Variants in TNS2 observed in about 807,000 individuals in gnomAD.
TNS2 encodes the protein tensin 2, also known as tensin-2.
In TNS2, 77 loss-of-function variants were observed where a neutral mutation model predicts 155.7. That is an observed-to-expected ratio of 0.49 (90% CI 0.41 to 0.60). The LOEUF is 0.60. TNS2 is among the 20% of genes least tolerant of loss of function. The probability of loss-of-function intolerance (pLI) is 0.00; values close to 1 mark genes in which losing one functional copy is unlikely to be tolerated. For missense variants in TNS2, 1,703 were observed against 1,868.8 expected (o/e 0.91, Z 1.64); for synonymous variants, 726 against 763.9 (o/e 0.95, Z 0.82).
Position 53,058,027 on chromosome 12 carries a change from T to C in TNS2, c.1020T>C (p.Tyr340=), listed in dbSNP as rs775027095. 3.7e-6 allele frequency: 6 copies of C among 1,613,960 alleles called. No individual in the cohort carries two copies. Among genetic ancestry groups the C allele is most frequent in the Non-Finnish European group, 5.1e-6 (6 of 1,180,024 alleles). Reference sequence around the variant, plus strand: ...TCTGCCTTCTCCTCTCTCCCCACAGTCACATTGCAGGCCCTGGTCCCCAGC... The same window carrying C: ...TCTGCCTTCTCCTCTCTCCCCACAGCCACATTGCAGGCCCTGGTCCCCAGC... The part of the protein sequence containing the change: ...SMQLVYTSGV[Y]HIAGPGPQQL... The change falls in exon 14 of 29, where the codon TAT becomes TAC. Residue 340 remains tyrosine (Y), a splice_region_variant and synonymous_variant. Transcript: ENST00000314250.
intron 25 of TNS2, 67 bp downstream of exon 25, chr12:53,062,764 ATGGGGCACTGAAAGGCCTTGAGG>A (rs1203244609): frequency 1.9e-6 from 3 of 1,575,262 alleles, no homozygotes; most frequent in African/African-American, 2.7e-5. Flanking sequence ...GATACAGGGC[ATGGGGCACTGAAAGGCCTTGAGG>A]TGGGTGAGCC....
upstream of TNS2, among the ~76,000 whole-genome samples, chr12:53,047,455 G>A (rs1030555958): frequency 6.2e-5 from 9 of 144,280 alleles, no homozygotes; most frequent in Non-Finnish European, 1.4e-4. Context: ...GCGCCAGGGG[G>A]CGCGGGGCCG....
chr12:53,053,194 G>A, intron 3 of TNS2: 1 of 602,844 alleles, frequency 1.7e-6, no homozygotes, highest in Non-Finnish European at 3.0e-6. Context: ...GTGTGGGCTG[G>A]GGGCTGAGCG....
At chr12:53,050,000 G>A (rs1002372764), upstream of TNS2, 9 of 1,403,882 alleles carry the variant, frequency 6.4e-6, no homozygotes, top group East Asian at 2.6e-5. Context: ...CTGGAGCAGC[G>A]ACCTGCCCCC....
Position 53,050,338 on chromosome 12 carries a change from G to A in TNS2, c.75+78G>A, listed in dbSNP as rs1943885354. On this transcript the variant is annotated intron_variant, in intron 1 of 28. Coordinates refer to ENST00000314250, the MANE Select transcript of TNS2 (RefSeq NM_170754.4). The surrounding 1 kb of genome is among the most constrained non-coding windows in gnomAD (Gnocchi z 4.7). ...AGTGGGGGAGGGGACCAGGAATCAGGCCAGGCCTTCTTCCCAATTTCAGCT... is the reference window on the plus strand; with the variant it reads ...AGTGGGGGAGGGGACCAGGAATCAGACCAGGCCTTCTTCCCAATTTCAGCT... 7 of 1,450,742 alleles carry A rather than the reference G, an allele frequency of 4.8e-6. No individual in the cohort carries two copies. Among genetic ancestry groups the A allele is most frequent in the African/African-American group, 1.4e-5 (1 of 70,592 alleles). The allele number at this position is 1,450,742 out of a possible 1,614,324, so 89.9% of individuals were successfully genotyped here. A position where few individuals can be genotyped will look rare whatever the true frequency, so the allele number is the denominator to read the frequency against.
intron 4 of TNS2, 113 bp downstream of exon 4, chr12:53,053,562 G>A: frequency 6.9e-7 from 1 of 1,445,584 alleles, no homozygotes; most frequent in Non-Finnish European, 9.5e-7. Flanking sequence ...GAGTGCTGTG[G>A]GTATTGCTCA....
chr12:53,063,227 A>C lies in TNS2; in HGVS notation c.3962A>C (p.Gln1321Pro). ...PAVVHFKVSA[Q>P]GITLTDNQRK... Reference sequence around the variant, plus strand: ...GTTGTCCACTTCAAGGTGTCAGCCCAGGGCATTACACTGACGGACAACCAA... The same window carrying C: ...GTTGTCCACTTCAAGGTGTCAGCCCCGGGCATTACACTGACGGACAACCAA... Residue 1321 changes from glutamine to proline, a missense_variant, in exon 26 of 29, where the codon CAG (glutamine) becomes CCG (proline). Coordinates refer to ENST00000314250, the MANE Select transcript of TNS2 (RefSeq NM_170754.4). This position sits in a 1 kb window ranked among gnomAD's most constrained non-coding sequence, Gnocchi z 5.6. The C allele has an allele frequency of 6.2e-7, 1 of 1,612,956 alleles. No individual in the cohort carries two copies. The highest frequency in any genetic ancestry group is 8.5e-7 in the Non-Finnish European group (1 of 1,179,556).
intron 11 of TNS2, 121 bp from the exon 12 acceptor site, chr12:53,057,446 C>G: frequency 1.2e-6 from 1 of 811,936 alleles, no homozygotes; most frequent in South Asian, 1.7e-5. Context: ...TCTGGTGACC[C>G]GGAAGATGGG....
rs778517233 is a variant in TNS2, at chr12:53,060,268, A to C, written c.2617+10A>C. The stretch of plus-strand genomic sequence containing the variant: ...CCTTTGGCATCTGCAGGTGAGGGGC[A>C]CCAGAGTGCGGAGTGCCCAGGGCAG... On this transcript the variant is annotated intron_variant, in intron 18 of 28. Transcript: ENST00000314250. This position sits in a 1 kb window ranked among gnomAD's most constrained non-coding sequence, Gnocchi z 6.1. The C allele has an allele frequency of 6.5e-7, 1 of 1,538,064 alleles. No homozygotes were observed. Among genetic ancestry groups the C allele is most frequent in the South Asian group, 1.2e-5 (1 of 80,942 alleles).
At chr12:53,051,813 C>A in intron 1 of TNS2, 42 bp from the exon 2 acceptor site, 2 of 1,497,988 alleles carry the variant, frequency 1.3e-6, no homozygotes, top group Non-Finnish European at 1.8e-6. Flanking sequence ...TGGAGATGGG[C>A]CCACTGGGAA....
At chr12:53,057,155 C>A in intron 11 of TNS2, 59 bp downstream of exon 11, 1 of 1,530,776 alleles carries the variant, frequency 6.5e-7, no homozygotes, top group Non-Finnish European at 8.9e-7. Flanking sequence ...CTACCAAGGC[C>A]AAGACTCTCT....
In TNS2 at chr12:53,058,460, A is replaced by G; in HGVS notation, c.1225+15A>G. On this transcript the variant is annotated intron_variant, in intron 15 of 28. Transcript: ENST00000314250. The stretch of plus-strand genomic sequence containing the variant: ...GGCCTGGACTGGTGAGTCTGAGACA[A>G]GTGGCCTGGGGCTGGAGTCCAGGTG... 6.2e-7 allele frequency: 1 copy of G among 1,614,142 alleles called. No homozygotes were observed. The highest frequency in any genetic ancestry group is 8.5e-7 in the Non-Finnish European group (1 of 1,180,020).
At chr12:53,050,035 T>C, upstream of TNS2, 1 of 1,461,206 alleles carries the variant, frequency 6.8e-7, no homozygotes, top group Non-Finnish European at 9.0e-7. This position sits in a 1 kb window ranked among gnomAD's most constrained non-coding sequence, Gnocchi z 4.7. Context: ...TCCCTCCACT[T>C]CCAGGGCCGG....
chr12:53,059,876 C>T lies in TNS2; in HGVS notation c.2235C>T (p.His745=). Residue 745 remains histidine (H), a synonymous_variant, in exon 18 of 29, where the codon CAC becomes CAT. Coordinates refer to ENST00000314250, the MANE Select transcript of TNS2 (RefSeq NM_170754.4). The surrounding 1 kb of genome is among the most constrained non-coding windows in gnomAD (Gnocchi z 4.7). The stretch of plus-strand genomic sequence containing the variant: ...TGCTCTTGCCTGCCTGTGGGCATCA[C>T]CATGCCCCGATGCCTGACTACAGCT... ...LPLLLPACGH[H]HAPMPDYSCL... 1 of 1,613,066 alleles carries T rather than the reference C, an allele frequency of 6.2e-7. No individual in the cohort carries two copies. Among genetic ancestry groups the T allele is most frequent in the Non-Finnish European group, 8.5e-7 (1 of 1,179,914 alleles).
In TNS2 at chr12:53,057,023, G is replaced by A. The variant is rs1364275825; in HGVS notation, c.772G>A (p.Ala258Thr). The A allele has an allele frequency of 6.8e-6, 11 of 1,613,350 alleles. No individual in the cohort carries two copies. Among genetic ancestry groups the A allele is most frequent in the Non-Finnish European group, 3.4e-6 (4 of 1,179,830 alleles). The change falls in exon 11 of 29, where the codon GCA becomes ACA. Residue 258 changes from alanine (A) to threonine (T), a missense_variant. Physicochemically the swap from Ala to Thr is moderately conservative, Grantham distance 58. Transcript: ENST00000314250. ...CCTTGCTATCCCCAGGGCGGACCAG[G>A]CACTGGCCACTCTTACCATGCGGAA... ...YSKISAGADQ[A>T]LATLTMRKFC...
chr12:53,061,964 G>T, intron 22 of TNS2, 24 bp downstream of exon 22: 2 of 1,609,378 alleles, frequency 1.2e-6, no homozygotes, highest in South Asian at 1.1e-5. Context: ...AAACCTGAGT[G>T]GGGTGGGGAT....
At chr12:53,062,089 C>A (rs1944401201) in intron 22 of TNS2, 64 bp from the exon 23 acceptor site, 1 of 1,611,372 alleles carries the variant, frequency 6.2e-7, no homozygotes, top group African/African-American at 1.3e-5. Flanking sequence ...GGAAAGAATC[C>A]CATTAGGGAA....
At chr12:53,062,961 T>C in intron 25 of TNS2, 128 bp from the exon 26 acceptor site, 1 of 1,271,502 alleles carries the variant, frequency 7.9e-7, no homozygotes, top group Non-Finnish European at 1.1e-6. Flanking sequence ...TCATGGAATC[T>C]GCCTTTTTAA....
At chr12:53,056,954 A>T (rs1383680553) in intron 10 of TNS2, 59 bp from the exon 11 acceptor site, 2 of 1,520,572 alleles carry the variant, frequency 1.3e-6, no homozygotes, top group East Asian at 2.4e-5. Context: ...GGGCTTAGGG[A>T]TGGGAGGCCA....
Sources: gnomAD v4.1 joint callset for allele counts (sites outside exome capture counted in the v4.1 genomes callset) on GRCh38, gnomAD v4.1.1 for gene constraint, Gnocchi (gnomAD v3.1) non-coding constraint, MANE v1.5 for transcripts, NCBI Gene and HGNC (gene_info 2026-07-23, HGNC 2026-07-21) for gene names.